Variants in MBNL2 observed in about 807,000 individuals in gnomAD.
MBNL2 encodes muscleblind like splicing regulator 2.
Under a neutral mutation model 41.9 loss-of-function variants are expected in MBNL2, and 17 were observed. The ratio of observed to expected loss-of-function variants is 0.41; its 90% confidence interval spans 0.28 to 0.61. The LOEUF (loss-of-function observed/expected upper bound fraction) is 0.61, where lower values mean the gene tolerates loss of function less well. MBNL2 is among the 20% of genes least tolerant of loss of function. The pLI is 0.35. For missense variants in MBNL2, 336 were observed against 505.6 expected (o/e 0.66, Z 3.22); for synonymous variants, 195 against 182.9 (o/e 1.07, Z -0.53).
At chr13:97,159,724 C>A in the MBNL2 span, among the ~76,000 whole-genome samples, 10 of 151,018 alleles carry the variant, frequency 6.6e-5, no homozygotes, top group Non-Finnish European at 1.2e-4. Flanking sequence ...GAATATTGGC[C>A]CCCACTCTCT....
At chr13:97,265,863 G>C (rs1473577341) in intron 1 of MBNL2, among the ~76,000 whole-genome samples, 1 of 152,064 alleles carries the variant, frequency 6.6e-6, no homozygotes, top group Non-Finnish European at 1.5e-5. Flanking sequence ...GCTATTCAGA[G>C]GCAGAGAGAG....
intron 1 of MBNL2, among the ~76,000 whole-genome samples, chr13:97,266,973 T>C (rs1188110062): frequency 6.6e-6 from 1 of 152,208 alleles, no homozygotes; most frequent in African/African-American, 2.4e-5. Flanking sequence ...TAAAATATCA[T>C]AGATGACCCG....
Position 97,356,788 on chromosome 13 carries a change from A to C in MBNL2, c.805-8A>C. On this transcript the variant is annotated splice_region_variant and splice_polypyrimidine_tract_variant and intron_variant, in intron 5 of 8. Transcript: ENST00000679496. Reference sequence around the variant, plus strand: ...TGCCATCATGTGCTCGCTGCCTGTTATTAAAAGACTCAGTCGACTGCCAAA... The same window carrying C: ...TGCCATCATGTGCTCGCTGCCTGTTCTTAAAAGACTCAGTCGACTGCCAAA... 1 of 1,362,050 alleles carries C rather than the reference A, an allele frequency of 7.3e-7. No individual in the cohort carries two copies. The highest frequency in any genetic ancestry group is 9.8e-7 in the Non-Finnish European group (1 of 1,017,416). 84.4% of individuals were successfully genotyped at this position (1,362,050 alleles called of 1,614,324 possible). A position where few individuals can be genotyped will look rare whatever the true frequency, so the allele number is the denominator to read the frequency against.
chr13:97,365,021 C>T, intron 7 of MBNL2, 115 bp from the exon 8 acceptor site: 1 of 790,714 alleles, frequency 1.3e-6, no homozygotes, highest in Non-Finnish European at 2.3e-6. Context: ...ACTGTGTTAA[C>T]TAACCCTACT....
chr13:97,252,054 G>T (rs1469974631), intron 1 of MBNL2, among the ~76,000 whole-genome samples: 1 of 151,220 alleles, frequency 6.6e-6, no homozygotes, highest in Non-Finnish European at 1.5e-5. Flanking sequence ...GTTTCACCTT[G>T]TTAGCCAGGA....
At chr13:97,251,102 G>C (rs1448850895) in intron 1 of MBNL2, among the ~76,000 whole-genome samples, 1 of 151,292 alleles carries the variant, frequency 6.6e-6, no homozygotes. Context: ...AAACTACTAG[G>C]AGCATGGAGA....
At chr13:97,160,228 AATTAC>A in the MBNL2 span, among the ~76,000 whole-genome samples, 1 of 152,248 alleles carries the variant, frequency 6.6e-6, no homozygotes, top group East Asian at 1.9e-4. Context: ...CTGTCAAGCC[AATTAC>A]ATCATTTCAG....
rs772527793 is a variant in MBNL2 at position 97,346,755 on chromosome 13, C to T, written c.541-49C>T. The T allele has an allele frequency of 2.7e-5, 43 of 1,571,356 alleles. No individual in the cohort carries two copies. Among genetic ancestry groups the T allele is most frequent in the Non-Finnish European group, 3.5e-5 (40 of 1,151,932 alleles). ...CGCGGTGGCCGGGGCCGCAGGGGCG[C>T]CTGGGCTCAGGCTTGCCTCTGCAGC... On this transcript the variant is annotated intron_variant, in intron 4 of 8. Coordinates refer to ENST00000679496, the MANE Select transcript of MBNL2 (RefSeq NM_001382683.1). The surrounding 1 kb of genome is among the most constrained non-coding windows in gnomAD (Gnocchi z 4.2).
At position 97,334,360 on chromosome 13, in the gene MBNL2, T is replaced by C; in HGVS notation, c.259T>C (p.Leu87=). ...ACTAGAAATTAATGGAAGGAACAAT[T>C]TGATTCAGCAAAAAACTGCAGCAGC... ...TQLEINGRNN[L]IQQKTAAAML... The change falls in exon 3 of 9, where the codon TTG becomes CTG. Residue 87 remains leucine (L), a synonymous_variant. Transcript: ENST00000679496. The surrounding 1 kb of genome is among the most constrained non-coding windows in gnomAD (Gnocchi z 5.3). 6.2e-7 allele frequency: 1 copy of C among 1,613,770 alleles called. No homozygotes were observed. The highest frequency in any genetic ancestry group is 1.7e-5 in the Admixed American group (1 of 60,002).
chr13:97,282,907 G>C (rs1412400728), intron 2 of MBNL2, among the ~76,000 whole-genome samples: 2 of 152,230 alleles, frequency 1.3e-5, no homozygotes, highest in Non-Finnish European at 2.9e-5. Flanking sequence ...CAGAAGTGCA[G>C]TCATCCCCAG....
intron 2 of MBNL2, among the ~76,000 whole-genome samples, chr13:97,300,264 C>T (rs1434753198): frequency 6.6e-6 from 1 of 152,140 alleles, no homozygotes; most frequent in East Asian, 1.9e-4. Flanking sequence ...TGACCATGTA[C>T]CCAACCATAG....
chr13:97,339,342 A>C (rs1333326281), intron 3 of MBNL2, among the ~76,000 whole-genome samples: 2 of 126,472 alleles, frequency 1.6e-5, no homozygotes, highest in Non-Finnish European at 3.5e-5. Flanking sequence ...AAAGCAGGGC[A>C]TGGAAGACTG....
At chr13:97,214,364 C>T in the MBNL2 span, among the ~76,000 whole-genome samples, 1 of 152,230 alleles carries the variant, frequency 6.6e-6, no homozygotes, top group African/African-American at 2.4e-5. Flanking sequence ...CAATTTCCTA[C>T]TCATCCTGTA....
intron 7 of MBNL2, among the ~76,000 whole-genome samples, chr13:97,364,102 CTT>C (rs1385986972): frequency 6.6e-6 from 1 of 152,150 alleles, no homozygotes; most frequent in Non-Finnish European, 1.5e-5. Flanking sequence ...TTCAATACAG[CTT>C]TCTTTCAGTT....
chr13:97,320,069 A>G (rs998024093), intron 2 of MBNL2, among the ~76,000 whole-genome samples: 1 of 152,188 alleles, frequency 6.6e-6, no homozygotes, highest in South Asian at 2.1e-4. Flanking sequence ...GTAACCGCCA[A>G]TCTCAAGACA....
At chr13:97,297,779 G>A (rs1463935579) in intron 2 of MBNL2, among the ~76,000 whole-genome samples, 1 of 152,204 alleles carries the variant, frequency 6.6e-6, no homozygotes, top group African/African-American at 2.4e-5. Flanking sequence ...TTGCCTCCCA[G>A]TTTCAAGAGG....
At position 97,374,197 on chromosome 13, in the gene MBNL2, G is replaced by T. The variant is rs550847941; in HGVS notation, c.1048+9026G>T. On this transcript the variant is annotated intron_variant, in intron 8 of 8. Transcript: ENST00000679496. ...GAGTCTCGCTCTGTCGCCCAGGCTGGAGTGCAGTGGCGCGATCTCGGCTCA... is the reference window on the plus strand; with the variant it reads ...GAGTCTCGCTCTGTCGCCCAGGCTGTAGTGCAGTGGCGCGATCTCGGCTCA... 4.6e-5 allele frequency among the ~76,000 whole-genome samples: 7 copies of T among 151,482 alleles called. No individual in the cohort carries two copies. The South Asian group carries it at 1.5e-3, about 32-fold the overall frequency.
At chr13:97,381,115 G>GAC (rs58610386) in intron 8 of MBNL2, among the ~76,000 whole-genome samples, 21,945 of 146,626 alleles carry the variant, frequency 0.15, 2,966 homozygotes, top group African/African-American at 0.38. Flanking sequence ...CCCTCTCTCT[G>GAC]ACACACACAC....
chr13:97,301,415 A>G (rs1396909442), intron 2 of MBNL2, among the ~76,000 whole-genome samples: 1 of 152,248 alleles, frequency 6.6e-6, no homozygotes, highest in Non-Finnish European at 1.5e-5. Context: ...AGATAGATCT[A>G]GATCTGCCTG....
Sources: gnomAD v4.1 joint callset for allele counts (sites outside exome capture counted in the v4.1 genomes callset) on GRCh38, gnomAD v4.1.1 for gene constraint, Gnocchi (gnomAD v3.1) non-coding constraint, MANE v1.5 for transcripts, NCBI Gene and HGNC (gene_info 2026-07-23, HGNC 2026-07-21) for gene names.